Variants in SLIT1 observed in about 807,000 individuals in gnomAD.
SLIT1 encodes slit guidance ligand 1.
A neutral mutation model predicts 186.1 loss-of-function variants in SLIT1; 66 were observed. That is an observed-to-expected ratio of 0.35 (90% CI 0.29 to 0.44). The LOEUF is 0.44. Among genes scored for constraint, SLIT1 ranks in the 20% least tolerant of loss-of-function variants. The probability of loss-of-function intolerance (pLI) is 1.00; values close to 1 mark genes in which losing one functional copy is unlikely to be tolerated. For missense variants in SLIT1, 1,638 were observed against 2,037.4 expected, an observed-to-expected ratio of 0.80 and a Z score of 3.77; for synonymous variants, 761 against 833.8, an observed-to-expected ratio of 0.91 and a Z score of 1.50.
chr10:97,006,573 C>T lies in SLIT1; in HGVS notation c.3489G>A (p.Glu1163=), dbSNP rs1245678957. The change falls in exon 32 of 37, where the codon GAG becomes GAA. Residue 1163 remains glutamate, a synonymous_variant. Transcript: ENST00000266058. The surrounding 1 kb of genome is among the most constrained non-coding windows in gnomAD (Gnocchi z 4.0). The part of the protein sequence containing the change: ...CLPGFGGPEC[E]KLLSVNFVDR... The stretch of plus-strand genomic sequence containing the variant: ...CCACAAAGTTGACACTGAGCAACTT[C>T]TCACACTCAGGGCCACCGAAGCCTG... The T allele has an allele frequency of 2.1e-5, 34 of 1,614,088 alleles. No individual in the cohort carries two copies. Among genetic ancestry groups the T allele is most frequent in the Non-Finnish European group, 2.8e-5 (33 of 1,180,030 alleles).
At chr10:97,132,399 C>T (rs988503182) in intron 4 of SLIT1, among the ~76,000 whole-genome samples, 6 of 152,358 alleles carry the variant, frequency 3.9e-5, no homozygotes, top group Admixed American at 6.5e-5. Flanking sequence ...TTCCCAGCTC[C>T]GATGTCTGAG....
chr10:97,075,228 G>A (rs1469909696), intron 4 of SLIT1, among the ~76,000 whole-genome samples: 2 of 152,218 alleles, frequency 1.3e-5, no homozygotes, highest in African/African-American at 4.8e-5. Flanking sequence ...AAGATGGTTG[G>A]ATTAAGGACT....
At chr10:97,116,390 G>A (rs1849510597) in intron 4 of SLIT1, among the ~76,000 whole-genome samples, 1 of 152,196 alleles carries the variant, frequency 6.6e-6, no homozygotes, top group South Asian at 2.1e-4. Context: ...CTTAGGGCCT[G>A]TCCGGAGCCC....
intron 4 of SLIT1, among the ~76,000 whole-genome samples, chr10:97,122,860 T>A (rs1388183677): frequency 6.6e-6 from 1 of 152,104 alleles, no homozygotes; most frequent in Non-Finnish European, 1.5e-5. Flanking sequence ...GACTCCAAGT[T>A]TGTGCCTCAC....
rs943719307 is a variant in SLIT1 at position 96,999,111 on chromosome 10, G to T, written c.*2001C>A. ...TGCAGATGCTCTGCAGGGTCCCACGGTGGCCTGGAAACTCAGAGAGGGATG... is the reference window on the plus strand; with the variant it reads ...TGCAGATGCTCTGCAGGGTCCCACGTTGGCCTGGAAACTCAGAGAGGGATG... On this transcript the variant is annotated 3_prime_UTR_variant, in exon 37 of 37. Transcript: ENST00000266058. 2.6e-5 allele frequency: 4 copies of T among 152,276 alleles called. No individual in the cohort carries two copies. Among genetic ancestry groups the T allele is most frequent in the African/African-American group, 9.7e-5 (4 of 41,432 alleles). 9.4% of individuals were successfully genotyped at this position (152,276 alleles called of 1,614,324 possible).
rs185539575 is a variant in SLIT1 at position 97,009,070 on chromosome 10, G to A, written c.3341+1923C>T. The stretch of plus-strand genomic sequence containing the variant: ...AATTTTTGTATTTTAATAGAGGTGG[G>A]GTTTCACTGTGTTAGCCAGGATGGT... On this transcript the variant is annotated intron_variant, in intron 31 of 36. Transcript: ENST00000266058. Among the ~76,000 whole-genome samples, 391 of 151,984 alleles carry A rather than the reference G, an allele frequency of 2.6e-3. 5 individuals carry two copies. Among genetic ancestry groups the A allele is most frequent in the African/African-American group, 8.6e-3 (356 of 41,450 alleles).
At chr10:97,066,171 G>T in intron 4 of SLIT1, 85 bp from the exon 5 acceptor site, 1 of 1,146,780 alleles carries the variant, frequency 8.7e-7, no homozygotes, top group Non-Finnish European at 1.3e-6. Flanking sequence ...GGGAAGCAGG[G>T]CAGGTGGGCT....
intron 4 of SLIT1, among the ~76,000 whole-genome samples, chr10:97,139,451 A>G (rs565666983): frequency 1.3e-5 from 2 of 152,224 alleles, no homozygotes; most frequent in Non-Finnish European, 2.9e-5. Flanking sequence ...AGGGAAATAC[A>G]TAAAAAGTGG....
In SLIT1 at chr10:97,011,139, TG is replaced by T. The variant is rs769097187; in HGVS notation, c.3204-10del. 5.0e-6 allele frequency: 8 copies of T among 1,610,122 alleles called. No homozygotes were observed. Among genetic ancestry groups the T allele is most frequent in the Non-Finnish European group, 5.1e-6 (6 of 1,177,344 alleles). On this transcript the variant is annotated splice_polypyrimidine_tract_variant and intron_variant, in intron 30 of 36. Transcript: ENST00000266058. The stretch of plus-strand genomic sequence containing the variant: ...CTGGCATGCACTCACACCTAGTGGG[TG>T]GGGGGCAGGGGTAGTTGGGGGGTCA...
At chr10:97,026,969 C>T (rs1848551461) in intron 25 of SLIT1, among the ~76,000 whole-genome samples, 1 of 152,172 alleles carries the variant, frequency 6.6e-6, no homozygotes, top group African/African-American at 2.4e-5. Context: ...GCCCCAAGTC[C>T]TGATTAGTCT....
chr10:97,059,700 T>C, intron 10 of SLIT1, 169 bp from the exon 11 acceptor site: 1 of 656,240 alleles, frequency 1.5e-6, no homozygotes, highest in South Asian at 1.7e-5. Flanking sequence ...TGGCCGCTAT[T>C]TCCCTGTGCA....
intron 14 of SLIT1, among the ~76,000 whole-genome samples, chr10:97,048,541 C>T (rs901011906): frequency 2.0e-5 from 3 of 152,146 alleles, no homozygotes; most frequent in Admixed American, 2.0e-4. Context: ...CTTCAGCAAG[C>T]CTTGCTTCTT....
chr10:97,029,019 G>A (rs11599078), intron 25 of SLIT1, among the ~76,000 whole-genome samples: 249 of 152,260 alleles, frequency 1.6e-3, no homozygotes, highest in Non-Finnish European at 3.2e-3. Flanking sequence ...TCTTCAGTGC[G>A]GTCCTCAAGA....
At chr10:97,137,480 G>A (rs2817647) in intron 4 of SLIT1, among the ~76,000 whole-genome samples, 73,136 of 152,120 alleles carry the variant, frequency 0.48, 20,429 homozygotes, top group South Asian at 0.64. Context: ...ATTTTCTACT[G>A]TTAGAGGGAC....
intron 3 of SLIT1, 82 bp from the exon 4 acceptor site, chr10:97,157,971 A>G (rs1849973253): frequency 2.0e-6 from 2 of 1,017,026 alleles, no homozygotes; most frequent in African/African-American, 1.6e-5. Context: ...AGATGGATTC[A>G]GAGGCAGAAG....
intron 4 of SLIT1, among the ~76,000 whole-genome samples, chr10:97,142,142 C>T (rs762290538): frequency 1.3e-5 from 2 of 151,852 alleles, no homozygotes; most frequent in Non-Finnish European, 2.9e-5. Context: ...TTGAAGTCAT[C>T]GGCCCTTTCA....
chr10:97,098,390 G>A (rs1230031648), intron 4 of SLIT1, among the ~76,000 whole-genome samples: 1 of 152,244 alleles, frequency 6.6e-6, no homozygotes, highest in Non-Finnish European at 1.5e-5. Flanking sequence ...AGAGGGGCAG[G>A]GGCCAGGTTT....
In SLIT1 at chr10:97,006,749, G is replaced by T; in HGVS notation, c.3342-29C>A. On this transcript the variant is annotated intron_variant, in intron 31 of 36. Coordinates refer to ENST00000266058, the MANE Select transcript of SLIT1 (RefSeq NM_003061.3). The surrounding 1 kb of genome is among the most constrained non-coding windows in gnomAD (Gnocchi z 4.0). ...AGAGGAAAGGACATAAGTCAGAGAGGGCCAAGGAGGAAGGGAGTATCTTCC... is the reference window on the plus strand; with the variant it reads ...AGAGGAAAGGACATAAGTCAGAGAGTGCCAAGGAGGAAGGGAGTATCTTCC... The T allele has an allele frequency of 6.6e-7, 1 of 1,507,086 alleles. No individual in the cohort carries two copies. The highest frequency in any genetic ancestry group is 1.1e-5 in the South Asian group (1 of 88,250). 93.4% of individuals were successfully genotyped at this position (1,507,086 alleles called of 1,614,324 possible).
chr10:97,154,590 C>T (rs1300554437), intron 4 of SLIT1: 1 of 149,086 alleles, frequency 6.7e-6, no homozygotes, highest in Non-Finnish European at 1.5e-5. Context: ...CCTAGAAACA[C>T]CCCCCCAAAG....
Sources: gnomAD v4.1 joint callset for allele counts (sites outside exome capture counted in the v4.1 genomes callset) on GRCh38, gnomAD v4.1.1 for gene constraint, Gnocchi (gnomAD v3.1) non-coding constraint, MANE v1.5 for transcripts, NCBI Gene and HGNC (gene_info 2026-07-23, HGNC 2026-07-21) for gene names.